Variants in PARL observed in about 807,000 individuals in gnomAD.
PARL encodes the protein presenilin-associated rhomboid-like protein, mitochondrial.
A neutral mutation model predicts 51.6 loss-of-function variants in PARL; 44 were observed. The ratio of observed to expected loss-of-function variants is 0.85; its 90% confidence interval spans 0.67 to 1.10. The LOEUF (loss-of-function observed/expected upper bound fraction) is 1.10, where lower values mean the gene tolerates loss of function less well. PARL is among the 50% of genes least tolerant of loss of function. The pLI, the probability that PARL is intolerant of heterozygous loss-of-function variation, is 0.00. For missense variants in PARL, 441 were observed against 469.5 expected (o/e 0.94, Z 0.56); for synonymous variants, 172 against 164.0 (o/e 1.05, Z -0.37).
chr3:183,879,503 G>A (rs1397461046), intron 1 of PARL, among the ~76,000 whole-genome samples: 2 of 152,154 alleles, frequency 1.3e-5, no homozygotes, highest in Non-Finnish European at 2.9e-5. Flanking sequence ...AGAAAATGGT[G>A]TCTGGTGACA....
At chr3:183,836,705 C>A (rs1728635823) in intron 7 of PARL, among the ~76,000 whole-genome samples, 1 of 152,110 alleles carries the variant, frequency 6.6e-6, no homozygotes, top group Non-Finnish European at 1.5e-5. Context: ...TGGTTATATA[C>A]CTGTAATCAA....
chr3:183,847,489 A>G (rs184576849), intron 4 of PARL, among the ~76,000 whole-genome samples: 2 of 152,174 alleles, frequency 1.3e-5, no homozygotes, highest in East Asian at 3.9e-4. Flanking sequence ...GCTTGAGCCC[A>G]GGAGGTCAAG....
chr3:183,876,484 G>A (rs1324168074), intron 1 of PARL, among the ~76,000 whole-genome samples: 2 of 152,020 alleles, frequency 1.3e-5, no homozygotes, highest in East Asian at 3.9e-4. Context: ...GATGAATATT[G>A]TTTTCATGCC....
chr3:183,829,400 GATAGAAACCTTT>G lies in PARL; in HGVS notation c.*186_*197del, dbSNP rs1262784482. 7.3e-6 allele frequency: 11 copies of G among 1,505,924 alleles called. No individual in the cohort carries two copies. The highest frequency in any genetic ancestry group is 9.7e-6 in the Non-Finnish European group (11 of 1,132,380). 93.3% of individuals were successfully genotyped at this position (1,505,924 alleles called of 1,614,324 possible). The stretch of plus-strand genomic sequence containing the variant: ...AACACACACATCTGCTTACAAACTA[GATAGAAACCTTT>G]ATTTCACAACTTTATCATCATTCAC... On this transcript the variant is annotated 3_prime_UTR_variant, in exon 10 of 10. Coordinates refer to ENST00000317096, the MANE Select transcript of PARL (RefSeq NM_018622.7).
rs1345362402 is a variant in PARL at position 183,844,235 on chromosome 3, G to A, written c.603C>T (p.Ala201=). Residue 201 remains alanine (A), a synonymous_variant, in exon 5 of 10, where the codon GCC becomes GCT. Transcript: ENST00000317096. ...TMIRYFTSNP[A]SKVLCSPMLL... ...ATTCACACAAGTTAGACTTACTTGA[G>A]GCTGGATTCGATGTGAAATATCTGA... The A allele has an allele frequency of 7.0e-6, 11 of 1,578,194 alleles. 1 individual carries two copies. The South Asian group carries it at 1.0e-4, about 14-fold the overall frequency.
intron 1 of PARL, among the ~76,000 whole-genome samples, chr3:183,881,281 C>A (rs992583331): frequency 3.3e-5 from 5 of 152,128 alleles, no homozygotes; most frequent in Non-Finnish European, 5.9e-5. Context: ...GCCACCGTGC[C>A]TGGCTAATTT....
At chr3:183,842,475 A>C in intron 5 of PARL, 28 bp from the exon 6 acceptor site, 1 of 1,606,648 alleles carries the variant, frequency 6.2e-7, no homozygotes, top group Non-Finnish European at 8.5e-7. Flanking sequence ...ATAGTCTGGT[A>C]ATCATGAAAC....
downstream of PARL, among the ~76,000 whole-genome samples, chr3:183,827,420 C>CGAGAGAGAGAGAGAGA (rs60941610): frequency 6.7e-6 from 1 of 149,874 alleles, no homozygotes; most frequent in Non-Finnish European, 1.5e-5. Context: ...CCAGCCTGGA[C>CGAGAGAGAGAGAGAGA]GAGAGAGAGA....
At chr3:183,832,658 G>T (rs1728091534) in intron 9 of PARL, among the ~76,000 whole-genome samples, 1 of 152,284 alleles carries the variant, frequency 6.6e-6, no homozygotes, top group East Asian at 1.9e-4. Context: ...ATGCTGACGG[G>T]TCTCCCACGA....
In PARL at chr3:183,880,296, G is replaced by C. The variant is rs573011170; in HGVS notation, c.125+4426C>G. ...GGCCTGCCTTGACTCTGCTGCTTTGGTCCTTCTGCCAGGAACTAGTGATTT... is the reference window on the plus strand; with the variant it reads ...GGCCTGCCTTGACTCTGCTGCTTTGCTCCTTCTGCCAGGAACTAGTGATTT... On this transcript the variant is annotated intron_variant, in intron 1 of 9. Coordinates refer to ENST00000317096, the MANE Select transcript of PARL (RefSeq NM_018622.7). Among the ~76,000 whole-genome samples the C allele has an allele frequency of 5.9e-5, 9 of 152,248 alleles. No individual in the cohort carries two copies. The South Asian group carries it at 1.9e-3, about 32-fold the overall frequency.
intron 4 of PARL, among the ~76,000 whole-genome samples, chr3:183,855,675 C>A (rs1731065259): frequency 6.6e-6 from 1 of 152,194 alleles, no homozygotes; most frequent in Non-Finnish European, 1.5e-5. Flanking sequence ...TGTTTCCCTG[C>A]AACCAGACAG....
chr3:183,837,771 A>G (rs1041222905), intron 7 of PARL, among the ~76,000 whole-genome samples: 1 of 152,206 alleles, frequency 6.6e-6, no homozygotes, highest in Non-Finnish European at 1.5e-5. Context: ...CTTCAACTGA[A>G]AAATCACTCA....
chr3:183,881,879 G>A (rs569475219), intron 1 of PARL, among the ~76,000 whole-genome samples: 1 of 151,976 alleles, frequency 6.6e-6, no homozygotes, highest in African/African-American at 2.4e-5. Flanking sequence ...TAATATATAC[G>A]ATTGACTAAT....
intron 9 of PARL, among the ~76,000 whole-genome samples, chr3:183,831,833 A>G (rs1235414902): frequency 1.3e-5 from 2 of 152,258 alleles, no homozygotes; most frequent in East Asian, 1.9e-4. Context: ...GAAATCTAGT[A>G]AATGAAAAGG....
chr3:183,838,709 G>A (rs1226317624), intron 7 of PARL, among the ~76,000 whole-genome samples: 1 of 152,174 alleles, frequency 6.6e-6, no homozygotes, highest in Non-Finnish European at 1.5e-5. Context: ...TCACACGTAA[G>A]TAGCAGAACC....
intron 1 of PARL, among the ~76,000 whole-genome samples, chr3:183,882,955 G>A (rs1054856725): frequency 6.6e-6 from 1 of 152,120 alleles, no homozygotes; most frequent in African/African-American, 2.4e-5. Flanking sequence ...AAGGTAAACT[G>A]ATACTATTAA....
At chr3:183,874,469 C>A (rs866472615) in intron 1 of PARL, among the ~76,000 whole-genome samples, 1 of 148,068 alleles carries the variant, frequency 6.8e-6, no homozygotes, top group Non-Finnish European at 1.5e-5. Flanking sequence ...AGTGCAGTGG[C>A]GCGATCTCGA....
chr3:183,871,902 T>C (rs184424891), intron 1 of PARL, among the ~76,000 whole-genome samples: 1 of 152,288 alleles, frequency 6.6e-6, no homozygotes, highest in East Asian at 1.9e-4. Context: ...AGAATGCTCA[T>C]AGGACATCCA....
rs541577342 is a variant in PARL, at chr3:183,858,735, A to G, written c.511+4018T>C. ...CTTAAAAGGCTGACAGATCAGGGCA[A>G]TAGAACAGAAAATTAGGTGAAATAT... On this transcript the variant is annotated intron_variant, in intron 4 of 9. Coordinates refer to ENST00000317096, the MANE Select transcript of PARL (RefSeq NM_018622.7). 8.5e-5 allele frequency among the ~76,000 whole-genome samples: 13 copies of G among 152,294 alleles called. No individual in the cohort carries two copies. In the South Asian group the frequency reaches 2.7e-3, roughly 32 times the overall value.
Sources: allele counts gnomAD v4.1 joint callset (sites outside exome capture counted in the v4.1 genomes callset), GRCh38; gene constraint gnomAD v4.1.1; transcripts MANE v1.5; gene names NCBI Gene and HGNC (gene_info 2026-07-23, HGNC 2026-07-21).